FAM13C: variants seen among roughly 807,000 people sequenced by gnomAD.
FAM13C encodes protein FAM13C.
Under a neutral mutation model 73.2 loss-of-function variants are expected in FAM13C, and 37 were observed. The ratio of observed to expected loss-of-function variants is 0.51; its 90% CI spans 0.39 to 0.67. The LOEUF is 0.67. Among genes scored for constraint, FAM13C ranks in the 30% least tolerant of loss-of-function variants. The probability of loss-of-function intolerance (pLI) is 0.00; values close to 1 mark genes in which losing one functional copy is unlikely to be tolerated. For synonymous variants in FAM13C, 246 were observed against 260.9 expected (o/e 0.94, Z 0.55); for missense variants, 589 against 715.6 (o/e 0.82, Z 2.02).
chr10:59,361,023 T>C (rs1856345261), intron 1 of FAM13C: 5 of 1,289,100 alleles, frequency 3.9e-6, no homozygotes, highest in African/African-American at 1.5e-5. Flanking sequence ...AGGAGAGCAG[T>C]ACCTGTGCAC....
At chr10:59,323,620 T>C (rs1850660752) in intron 4 of FAM13C, among the ~76,000 whole-genome samples, 1 of 152,206 alleles carries the variant, frequency 6.6e-6, no homozygotes, top group African/African-American at 2.4e-5. Context: ...TCAGTTGCTA[T>C]GGTGCCTACA....
At chr10:59,326,972 A>T (rs182593384) in intron 3 of FAM13C, among the ~76,000 whole-genome samples, 113 of 152,322 alleles carry the variant, frequency 7.4e-4, no homozygotes, top group Admixed American at 4.7e-3. Context: ...ATAAACCATC[A>T]TTGGTTTGAT....
chr10:59,349,781 T>G (rs1854787656), intron 3 of FAM13C, among the ~76,000 whole-genome samples: 2 of 152,028 alleles, frequency 1.3e-5, no homozygotes, highest in South Asian at 4.2e-4. Flanking sequence ...AAAATAATAA[T>G]AAGATTGAAT....
intron 2 of FAM13C, among the ~76,000 whole-genome samples, chr10:59,353,461 C>T (rs531967170): frequency 6.6e-6 from 1 of 152,254 alleles, no homozygotes; most frequent in Admixed American, 6.5e-5. Flanking sequence ...CCGCTTCCTT[C>T]AGGTGTTGTT....
chr10:59,268,725 A>C (rs1200368042), intron 7 of FAM13C, 34 bp from the exon 8 acceptor site: 2 of 1,600,184 alleles, frequency 1.2e-6, no homozygotes, highest in African/African-American at 1.3e-5. Context: ...GAGTATCAAA[A>C]ACAGTGGGCT....
chr10:59,306,628 C>T (rs1200978799), intron 4 of FAM13C, among the ~76,000 whole-genome samples: 2 of 152,176 alleles, frequency 1.3e-5, no homozygotes, highest in Non-Finnish European at 2.9e-5. Context: ...GCAATCCTAG[C>T]ATTTAGGGAG....
chr10:59,312,614 G>A (rs555758129), intron 4 of FAM13C, among the ~76,000 whole-genome samples: 2 of 152,214 alleles, frequency 1.3e-5, no homozygotes, highest in East Asian at 3.9e-4. Context: ...CAACACCCAG[G>A]CTACCAGGCC....
chr10:59,250,580 C>A (rs1841275548), intron 13 of FAM13C, among the ~76,000 whole-genome samples: 1 of 152,160 alleles, frequency 6.6e-6, no homozygotes, highest in Non-Finnish European at 1.5e-5. Context: ...GTAGACCACG[C>A]ATGAGAGTTT....
intron 3 of FAM13C, among the ~76,000 whole-genome samples, chr10:59,326,134 G>A (rs1851091145): frequency 6.6e-6 from 1 of 152,000 alleles, no homozygotes. Flanking sequence ...GATTCCCTTG[G>A]CCCTAGGATG....
chr10:59,314,331 T>G (rs1849278124), intron 4 of FAM13C, among the ~76,000 whole-genome samples: 1 of 152,200 alleles, frequency 6.6e-6, no homozygotes, highest in Non-Finnish European at 1.5e-5. Flanking sequence ...AAGCTGAACA[T>G]GCAGTTCATT....
intron 3 of FAM13C, among the ~76,000 whole-genome samples, chr10:59,348,301 G>C (rs978658223): frequency 6.6e-6 from 1 of 152,158 alleles, no homozygotes; most frequent in African/African-American, 2.4e-5. Flanking sequence ...TGCAACATAA[G>C]CCCAAGTTGC....
At chr10:59,344,024 C>T (rs1853896098) in intron 3 of FAM13C, among the ~76,000 whole-genome samples, 1 of 148,436 alleles carries the variant, frequency 6.7e-6, no homozygotes, top group Non-Finnish European at 1.5e-5. Context: ...TGCAGTGGCA[C>T]GATCTCGGCT....
At chr10:59,307,643 C>T (rs1848415995) in intron 4 of FAM13C, among the ~76,000 whole-genome samples, 1 of 152,148 alleles carries the variant, frequency 6.6e-6, no homozygotes, top group Non-Finnish European at 1.5e-5. Flanking sequence ...ATAAAGTCTG[C>T]CCTTGTGGAA....
At chr10:59,334,981 T>C (rs931066132) in intron 3 of FAM13C, among the ~76,000 whole-genome samples, 4 of 152,184 alleles carry the variant, frequency 2.6e-5, no homozygotes, top group South Asian at 2.1e-4. Context: ...GGTGCTAGAT[T>C]TGGGGAATGA....
chr10:59,252,710 A>G (rs1354290901), intron 12 of FAM13C, 89 bp downstream of exon 12: 9 of 1,324,446 alleles, frequency 6.8e-6, no homozygotes, highest in Non-Finnish European at 9.7e-6. Flanking sequence ...CTTTGAGTCC[A>G]GCATTTTCAA....
chr10:59,263,493 G>A (rs944793534), intron 9 of FAM13C, among the ~76,000 whole-genome samples: 1 of 152,128 alleles, frequency 6.6e-6, no homozygotes, highest in African/African-American at 2.4e-5. Context: ...AAACTCCCAT[G>A]TCTCTAAGTA....
chr10:59,352,576 G>C (rs1192842375), intron 2 of FAM13C, 102 bp from the exon 3 acceptor site: 2 of 1,296,726 alleles, frequency 1.5e-6, no homozygotes, highest in East Asian at 5.1e-5. Context: ...ATATTTATAG[G>C]ATAGACACCT....
chr10:59,254,883 C>T lies in FAM13C; in HGVS notation c.1237-440G>A, dbSNP rs535361983. Reference sequence around the variant, plus strand: ...GCCCCCAGTTACAGGTGTGAGCCACCGTGCCTGGCCAGAAAGTCATTTATA... The same window carrying T: ...GCCCCCAGTTACAGGTGTGAGCCACTGTGCCTGGCCAGAAAGTCATTTATA... On this transcript the variant is annotated intron_variant, in intron 10 of 13. Coordinates refer to ENST00000618804, the MANE Select transcript of FAM13C (RefSeq NM_198215.4). Among the ~76,000 whole-genome samples, 11 of 152,170 alleles carry T rather than the reference C, an allele frequency of 7.2e-5. 1 individual carries two copies. The South Asian group carries it at 1.5e-3, about 20-fold the overall frequency.
At chr10:59,280,798 A>G (rs899913382) in intron 6 of FAM13C, among the ~76,000 whole-genome samples, 1 of 152,308 alleles carries the variant, frequency 6.6e-6, no homozygotes, top group East Asian at 1.9e-4. Flanking sequence ...GTCTCTTACT[A>G]GGTGGAACTG....
Sources: allele counts gnomAD v4.1 joint callset (sites outside exome capture counted in the v4.1 genomes callset), GRCh38; gene constraint gnomAD v4.1.1; transcripts MANE v1.5; gene names NCBI Gene and HGNC (gene_info 2026-07-23, HGNC 2026-07-21).